Variants in FAM227B observed in about 807,000 individuals in gnomAD.
FAM227B encodes protein FAM227B.
In FAM227B, 88 loss-of-function variants were observed where a neutral mutation model predicts 73.8. That is an observed-to-expected ratio of 1.19 (90% confidence interval 1.00 to 1.42). The LOEUF is 1.42. Among genes scored for constraint, FAM227B ranks in the 40% most tolerant of loss-of-function variants. The pLI is 0.00. For missense variants in FAM227B, 632 were observed against 590.9 expected, an observed-to-expected ratio of 1.07 and a Z score of -0.72; for synonymous variants, 210 against 190.5, an observed-to-expected ratio of 1.10 and a Z score of -0.84.
chr15:49,606,663 T>C (rs2077540872), intron 3 of FAM227B, among the ~76,000 whole-genome samples: 3 of 152,222 alleles, frequency 2.0e-5, no homozygotes, highest in East Asian at 1.9e-4. Context: ...TTCTGATACC[T>C]GTGGTGTCAC....
chr15:49,479,504 CTT>C (rs892359673), intron 11 of FAM227B, among the ~76,000 whole-genome samples: 69 of 150,776 alleles, frequency 4.6e-4, no homozygotes, highest in African/African-American at 1.6e-3. Flanking sequence ...TGGTAACTAA[CTT>C]AATATCTGCA....
At chr15:49,590,929 G>T (rs1341037352) in intron 3 of FAM227B, among the ~76,000 whole-genome samples, 2 of 150,794 alleles carry the variant, frequency 1.3e-5, no homozygotes. Flanking sequence ...GCCTTTTTGT[G>T]CCTGGCTTAT....
Position 49,472,007 on chromosome 15 carries a change from T to C in FAM227B, c.1012+36204A>G, listed in dbSNP as rs1299644234. 1.7e-4 allele frequency among the ~76,000 whole-genome samples: 17 copies of C among 100,734 alleles called. No individual in the cohort carries two copies. The Admixed American group carries it at 2.1e-3, about 12-fold the overall frequency. The allele number at this position is 100,734 out of a possible 152,430, so 66.1% of individuals were successfully genotyped here. On this transcript the variant is annotated intron_variant, in intron 11 of 15. Coordinates refer to ENST00000299338, the MANE Select transcript of FAM227B (RefSeq NM_152647.3). ...CATTTTTTCTTCTAGTTTTATCTCATGACTTTAGAAGTGAAAAAAAAAAAA... is the reference window on the plus strand; with the variant it reads ...CATTTTTTCTTCTAGTTTTATCTCACGACTTTAGAAGTGAAAAAAAAAAAA...
chr15:49,533,677 T>C (rs1291089262), intron 10 of FAM227B, among the ~76,000 whole-genome samples: 4 of 151,880 alleles, frequency 2.6e-5, no homozygotes, highest in Admixed American at 1.3e-4. Flanking sequence ...TTTTATCTGA[T>C]AGAAGTAGAG....
intron 11 of FAM227B, among the ~76,000 whole-genome samples, chr15:49,399,355 C>CAATA (rs2047948642): frequency 6.7e-6 from 1 of 149,442 alleles, no homozygotes; most frequent in East Asian, 2.0e-4. Flanking sequence ...TAGCAATAAT[C>CAATA]AATAGCTTAC....
At chr15:49,571,511 T>G (rs1281436660) in intron 8 of FAM227B, among the ~76,000 whole-genome samples, 1 of 151,968 alleles carries the variant, frequency 6.6e-6, no homozygotes, top group African/African-American at 2.4e-5. Context: ...CTTTAATTCA[T>G]GCTGACTTTT....
At chr15:49,379,062 TTTA>T (rs1401532942) in intron 11 of FAM227B, among the ~76,000 whole-genome samples, 1 of 151,820 alleles carries the variant, frequency 6.6e-6, no homozygotes, top group Non-Finnish European at 1.5e-5. Context: ...TCATATCATT[TTTA>T]TCTTTCATTT....
chr15:49,389,535 T>G (rs1009633431), intron 11 of FAM227B, among the ~76,000 whole-genome samples: 1 of 151,836 alleles, frequency 6.6e-6, no homozygotes, highest in Non-Finnish European at 1.5e-5. Flanking sequence ...TTAGGTAAAA[T>G]GTATGCTACT....
At chr15:49,351,042 A>G (rs902180725) in intron 13 of FAM227B, among the ~76,000 whole-genome samples, 1 of 152,144 alleles carries the variant, frequency 6.6e-6, no homozygotes, top group African/African-American at 2.4e-5. Context: ...CTACTCAACC[A>G]TACGCTGTGG....
At chr15:49,505,489 A>T (rs2058511617) in intron 11 of FAM227B, among the ~76,000 whole-genome samples, 2 of 152,138 alleles carry the variant, frequency 1.3e-5, no homozygotes, top group Non-Finnish European at 2.9e-5. Flanking sequence ...ATTTATGTAG[A>T]TATATTTGAC....
intron 11 of FAM227B, among the ~76,000 whole-genome samples, chr15:49,373,027 AT>A (rs913915679): frequency 4.6e-5 from 7 of 151,916 alleles, no homozygotes; most frequent in Middle Eastern, 3.2e-3. Context: ...AATAAACCAT[AT>A]TTTTTTCTTC....
At chr15:49,567,954 GA>G (rs976973837) in intron 9 of FAM227B, among the ~76,000 whole-genome samples, 11 of 148,610 alleles carry the variant, frequency 7.4e-5, no homozygotes, top group Admixed American at 1.3e-4. Flanking sequence ...TAGGTAAACA[GA>G]AAAAAAAACA....
At chr15:49,546,205 AGT>A (rs2071848224) in intron 9 of FAM227B, among the ~76,000 whole-genome samples, 1 of 151,690 alleles carries the variant, frequency 6.6e-6, no homozygotes, top group Non-Finnish European at 1.5e-5. Flanking sequence ...GAGAACATGC[AGT>A]GTTTGGTTTT....
At chr15:49,440,937 G>GA (rs1321464068) in intron 11 of FAM227B, among the ~76,000 whole-genome samples, 1 of 151,682 alleles carries the variant, frequency 6.6e-6, no homozygotes, top group African/African-American at 2.4e-5. Context: ...GGTTTAGATG[G>GA]AAAAAACTGT....
At chr15:49,391,619 A>G (rs2047217167) in intron 11 of FAM227B, among the ~76,000 whole-genome samples, 1 of 152,108 alleles carries the variant, frequency 6.6e-6, no homozygotes, top group African/African-American at 2.4e-5. Context: ...TCAAACCTCA[A>G]CATTCCCTTC....
rs2151107031 is a variant in FAM227B at position 49,326,979 on chromosome 15, G to A, written c.*1589C>T. On this transcript the variant is annotated 3_prime_UTR_variant, in exon 16 of 16. Coordinates refer to ENST00000299338, the MANE Select transcript of FAM227B (RefSeq NM_152647.3). ...ACAAAATTGTGCTAAATTAATCATA[G>A]AGCCTTTAATCCACTAGTAATTTGG... 1 of 152,168 alleles carries A rather than the reference G, an allele frequency of 6.6e-6. No homozygotes were observed. 9.4% of individuals were successfully genotyped at this position (152,168 alleles called of 1,614,324 possible). A position where few individuals can be genotyped will look rare whatever the true frequency, so the allele number is the denominator to read the frequency against.
At chr15:49,476,648 T>C (rs2055347738) in intron 11 of FAM227B, among the ~76,000 whole-genome samples, 1 of 152,192 alleles carries the variant, frequency 6.6e-6, no homozygotes, top group South Asian at 2.1e-4. Flanking sequence ...AAATAAATAA[T>C]GTAAAATGTC....
chr15:49,509,074 A>C (rs1188511919), intron 10 of FAM227B, among the ~76,000 whole-genome samples: 1 of 152,160 alleles, frequency 6.6e-6, no homozygotes, highest in Non-Finnish European at 1.5e-5. Context: ...AAGAAGGCCT[A>C]TGATTGACTA....
intron 11 of FAM227B, chr15:49,424,749 T>A (rs2049980636): frequency 5.8e-6 from 3 of 521,226 alleles, no homozygotes; most frequent in Non-Finnish European, 9.7e-6. Flanking sequence ...CCTAAAAATA[T>A]CTCTTTTAAC....
Sources: allele counts gnomAD v4.1 joint callset (sites outside exome capture counted in the v4.1 genomes callset), GRCh38; gene constraint gnomAD v4.1.1; transcripts MANE v1.5; gene names NCBI Gene and HGNC (gene_info 2026-07-23, HGNC 2026-07-21).